The following CSMD1 variants were observed in gnomAD, a reference collection of about 807,000 sequenced individuals.
CSMD1 encodes the protein CUB and Sushi multiple domains 1.
In CSMD1, 213 loss-of-function variants were observed where a neutral mutation model predicts 417.5. The observed-to-expected ratio is 0.51, with a 90% CI of 0.46 to 0.57. The LOEUF (loss-of-function observed/expected upper bound fraction) is 0.57, where lower values mean the gene tolerates loss of function less well. CSMD1 is among the 20% of genes least tolerant of loss of function. CSMD1 has a pLI of 0.00. For missense variants in CSMD1, 6,923 were observed against 4,529.7 expected (o/e 1.53, Z -15.17); for synonymous variants, 2,862 against 1,736.8 (o/e 1.65, Z -16.11).
chr8:4,580,909 T>G lies in CSMD1; in HGVS notation c.302+56433A>C, dbSNP rs371700290. ...TTTTTCCCTGCTATTGTGTTTGACA[T>G]CATCGGAAGTTCAATGCACATTTTT... On this transcript the variant is annotated intron_variant, in intron 2 of 69. Transcript: ENST00000635120. Among the ~76,000 whole-genome samples the G allele has an allele frequency of 2.9e-4, 44 of 152,326 alleles. 2 individuals are homozygous for G. The South Asian group carries it at 9.1e-3, about 32-fold the overall frequency.
intron 3 of CSMD1, among the ~76,000 whole-genome samples, chr8:4,240,139 T>A (rs1230234685): frequency 6.6e-6 from 1 of 152,174 alleles, no homozygotes; most frequent in Non-Finnish European, 1.5e-5. Flanking sequence ...AAAAGTAAAA[T>A]AAACATTATT....
chr8:4,063,154 TG>T (rs1197079018), intron 3 of CSMD1, among the ~76,000 whole-genome samples: 2 of 152,148 alleles, frequency 1.3e-5, no homozygotes, highest in Admixed American at 1.3e-4. Context: ...CTAGAAGATT[TG>T]GAAATGATAA....
chr8:4,086,961 C>G (rs754895217), intron 3 of CSMD1, among the ~76,000 whole-genome samples: 4 of 152,314 alleles, frequency 2.6e-5, no homozygotes, highest in Non-Finnish European at 5.9e-5. Context: ...GGTAAATTAC[C>G]AGATTGCTCT....
At chr8:3,017,188 G>A (rs1483596509) in intron 52 of CSMD1, among the ~76,000 whole-genome samples, 1 of 152,212 alleles carries the variant, frequency 6.6e-6, no homozygotes, top group African/African-American at 2.4e-5. Context: ...TCAGACGTGA[G>A]TGTCTCGGAC....
At chr8:4,074,187 A>G (rs1329331782) in intron 3 of CSMD1, among the ~76,000 whole-genome samples, 3 of 152,084 alleles carry the variant, frequency 2.0e-5, no homozygotes, top group South Asian at 4.1e-4. Flanking sequence ...CAAATTAGTT[A>G]ATGTCACTAT....
At chr8:3,930,041 G>A (rs150758799) in intron 5 of CSMD1, among the ~76,000 whole-genome samples, 4 of 150,362 alleles carry the variant, frequency 2.7e-5, no homozygotes, top group African/African-American at 4.9e-5. Context: ...ATATAAAGAT[G>A]TCTCTGAGAG....
At chr8:3,025,429 T>C (rs2128974199) in intron 51 of CSMD1, among the ~76,000 whole-genome samples, 2 of 152,030 alleles carry the variant, frequency 1.3e-5, no homozygotes, top group Non-Finnish European at 2.9e-5. Flanking sequence ...GGTGTTATTC[T>C]GAAACCGTGT....
At chr8:3,017,527 A>G (rs372856607) in intron 52 of CSMD1, among the ~76,000 whole-genome samples, 2 of 152,226 alleles carry the variant, frequency 1.3e-5, no homozygotes, top group South Asian at 4.1e-4. Flanking sequence ...AGAGTGAGAA[A>G]GAGTGTGAGA....
intron 5 of CSMD1, among the ~76,000 whole-genome samples, chr8:3,997,626 A>T (rs1485556330): frequency 5.9e-5 from 9 of 152,190 alleles, no homozygotes; most frequent in African/African-American, 2.2e-4. Flanking sequence ...AACTCACCTT[A>T]CTTGGTTGCT....
rs543418036 is a variant in CSMD1, at chr8:3,392,569, G to C, written c.2593+3625C>G. Among the ~76,000 whole-genome samples, 4 of 152,050 alleles carry C rather than the reference G, an allele frequency of 2.6e-5. No homozygotes were observed. The South Asian group carries it at 8.3e-4, about 32-fold the overall frequency. On this transcript the variant is annotated intron_variant, in intron 17 of 69. Coordinates refer to ENST00000635120, the MANE Select transcript of CSMD1 (RefSeq NM_033225.6). ...GGCCTTGGCCCCTTCCCTCCTGCTT[G>C]CCTGTGGGTTTTCTCTCTCCCTGGA...
intron 26 of CSMD1, among the ~76,000 whole-genome samples, chr8:3,271,334 G>T (rs1210842056): frequency 6.6e-6 from 1 of 151,788 alleles, no homozygotes; most frequent in Non-Finnish European, 1.5e-5. Flanking sequence ...ATCATTGTTG[G>T]ACATTTGGGT....
chr8:3,595,346 C>T (rs2469355), intron 8 of CSMD1, among the ~76,000 whole-genome samples: 1 of 152,006 alleles, frequency 6.6e-6, no homozygotes, highest in Non-Finnish European at 1.5e-5. Context: ...TATTGAAATG[C>T]CTTTTATTAC....
At chr8:4,716,684 T>C (rs1394271477) in intron 1 of CSMD1, among the ~76,000 whole-genome samples, 1 of 152,200 alleles carries the variant, frequency 6.6e-6, no homozygotes, top group East Asian at 1.9e-4. Flanking sequence ...TAAATATATC[T>C]GATAATTAGA....
At chr8:2,993,157 C>G (rs572237384) in intron 54 of CSMD1, among the ~76,000 whole-genome samples, 2 of 152,128 alleles carry the variant, frequency 1.3e-5, no homozygotes, top group Non-Finnish European at 2.9e-5. Context: ...AACTGCTTCC[C>G]TTTATATACA....
intron 3 of CSMD1, among the ~76,000 whole-genome samples, chr8:4,209,609 A>C (rs929615759): frequency 2.0e-5 from 3 of 152,092 alleles, no homozygotes; most frequent in Non-Finnish European, 4.4e-5. Flanking sequence ...CCCGTGATGC[A>C]GGAAAGACAA....
chr8:3,294,167 G>C (rs953468594), intron 25 of CSMD1, among the ~76,000 whole-genome samples: 13 of 152,320 alleles, frequency 8.5e-5, no homozygotes, highest in African/African-American at 1.9e-4. Flanking sequence ...AAATGCTGCT[G>C]TCTGATCATT....
rs574348275 is a variant in CSMD1 at position 4,070,499 on chromosome 8, A to G, written c.416-38400T>C. On this transcript the variant is annotated intron_variant, in intron 3 of 69. Coordinates refer to ENST00000635120, the MANE Select transcript of CSMD1 (RefSeq NM_033225.6). Reference sequence around the variant, plus strand: ...CAGCCTCCCGAGTAGCTGGGACTACAGGCGCCCGCCACCACGGCCGGCTAT... The same window carrying G: ...CAGCCTCCCGAGTAGCTGGGACTACGGGCGCCCGCCACCACGGCCGGCTAT... Among the ~76,000 whole-genome samples the G allele has an allele frequency of 8.4e-3, 1,275 of 152,152 alleles. 24 individuals carry two copies. The highest frequency in any genetic ancestry group is 0.03 in the African/African-American group (1,227 of 41,506).
Position 2,957,703 on chromosome 8 carries a change from T to C in CSMD1, c.9807A>G (p.Glu3269=). The C allele has an allele frequency of 6.3e-7, 1 of 1,579,788 alleles. No individual in the cohort carries two copies. The highest frequency in any genetic ancestry group is 1.8e-5 in the Admixed American group (1 of 56,242). The change falls in exon 63 of 70, where the codon GAA becomes GAG. Residue 3269 remains glutamate, a synonymous_variant. Transcript: ENST00000635120. Reference sequence around the variant, plus strand: ...GGAAGAAATCACACTTACGTATACATTCGGTCTGTATCCCACTCCATGTTA... The same window carrying C: ...GGAAGAAATCACACTTACGTATACACTCGGTCTGTATCCCACTCCATGTTA... ...ANLTWSGIQT[E]CIPHACRQPE...
chr8:3,233,908 A>G (rs927630453), intron 26 of CSMD1, among the ~76,000 whole-genome samples: 2 of 152,096 alleles, frequency 1.3e-5, no homozygotes, highest in Admixed American at 6.5e-5. Context: ...GATCCCAGGG[A>G]TGGTAGAAAT....
Sources: gnomAD v4.1 joint callset for allele counts (sites outside exome capture counted in the v4.1 genomes callset) on GRCh38, gnomAD v4.1.1 for gene constraint, MANE v1.5 for transcripts, NCBI Gene and HGNC (gene_info 2026-07-23, HGNC 2026-07-21) for gene names.